Variants in NOS1 observed in about 807,000 individuals in gnomAD.
NOS1 encodes NOS type I.
Under a neutral mutation model 164.5 loss-of-function variants are expected in NOS1, and 51 were observed. That is an observed-to-expected ratio of 0.31 (90% CI 0.25 to 0.39). The LOEUF (loss-of-function observed/expected upper bound fraction) is 0.39. Ranked by LOEUF, NOS1 falls within the 10% of genes least tolerant of loss-of-function variation. The pLI is 1.00. For missense variants in NOS1, 1,362 were observed against 1,885.6 expected (o/e 0.72, Z 5.14); for synonymous variants, 719 against 745.8 (o/e 0.96, Z 0.59).
chr12:117,217,013 G>A (rs150556723), intron 28 of NOS1, among the ~76,000 whole-genome samples: 1 of 152,262 alleles, frequency 6.6e-6, no homozygotes, highest in Non-Finnish European at 1.5e-5. Flanking sequence ...CTGTGGCAGG[G>A]ACTGGGGCGG....
In NOS1 at chr12:117,210,838, C is replaced by G. The variant is rs1169020694; in HGVS notation, c.*4471G>C. 4 of 985,306 alleles carry G rather than the reference C, an allele frequency of 4.1e-6. No individual in the cohort carries two copies. The highest frequency in any genetic ancestry group is 3.5e-5 in the African/African-American group (2 of 57,228). The allele number at this position is 985,306 out of a possible 1,614,324, so 61.0% of individuals were successfully genotyped here. A position where few individuals can be genotyped will look rare whatever the true frequency, so the allele number is the denominator to read the frequency against. On this transcript the variant is annotated 3_prime_UTR_variant, in exon 29 of 29. Transcript: ENST00000317775. ...CATGGCTGGACTTGGGAAGGATTCACCCTGTTGACTCCAGAGAAGCTGACT... is the reference window on the plus strand; with the variant it reads ...CATGGCTGGACTTGGGAAGGATTCAGCCTGTTGACTCCAGAGAAGCTGACT...
At position 117,330,300 on chromosome 12, in the gene NOS1, GCACACACACACA is replaced by G. The variant is rs111326073; in HGVS notation, c.725+33_725+44del. On this transcript the variant is annotated intron_variant, in intron 2 of 28. Transcript: ENST00000317775. This position sits in a 1 kb window ranked among gnomAD's most constrained non-coding sequence, Gnocchi z 4.6. ...GACGCACATGCACACACACAAGCATGCACACACACACACACACACACACACACACCCCTGTGG... is the reference window on the plus strand; with the variant it reads ...GACGCACATGCACACACACAAGCATGCACACACACACACACACCCCTGTGG... The G allele has an allele frequency of 2.0e-6, 3 of 1,492,180 alleles. No homozygotes were observed. Among genetic ancestry groups the G allele is most frequent in the Non-Finnish European group, 2.7e-6 (3 of 1,111,966 alleles). 92.4% of individuals were successfully genotyped at this position (1,492,180 alleles called of 1,614,324 possible).
chr12:117,229,586 A>ATCTATCTG (rs1430168198), intron 22 of NOS1, among the ~76,000 whole-genome samples: 1 of 151,690 alleles, frequency 6.6e-6, no homozygotes, highest in African/African-American at 2.4e-5. Context: ...CTATCTATCT[A>ATCTATCTG]TCTATCTATC....
chr12:117,267,565 C>A (rs139603231), intron 11 of NOS1, among the ~76,000 whole-genome samples: 1 of 145,038 alleles, frequency 6.9e-6, no homozygotes, highest in Non-Finnish European at 1.5e-5. Context: ...CTAGTCTGGG[C>A]GACAAGAGTG....
chr12:117,224,872 CA>C (rs1868513545), intron 25 of NOS1, 143 bp downstream of exon 25: 1 of 1,027,744 alleles, frequency 9.7e-7, no homozygotes, highest in South Asian at 1.4e-5. Context: ...ACCTGTAGGT[CA>C]GGCTGGTGCT....
At chr12:117,274,523 C>T (rs1592976766) in intron 9 of NOS1, among the ~76,000 whole-genome samples, 3 of 152,070 alleles carry the variant, frequency 2.0e-5, no homozygotes, top group African/African-American at 4.8e-5. Flanking sequence ...AATCCTAGCA[C>T]TTTAGGAGGC....
intron 3 of NOS1, among the ~76,000 whole-genome samples, chr12:117,297,106 A>G (rs1350352997): frequency 2.6e-5 from 4 of 152,242 alleles, no homozygotes; most frequent in Admixed American, 6.5e-5. Flanking sequence ...TAAGCCAAGG[A>G]TGTTGGCCTT....
rs372921010 is a variant in NOS1 at position 117,330,611 on chromosome 12, C to T, written c.459G>A (p.Ser153=). 2.9e-5 allele frequency: 47 copies of T among 1,611,426 alleles called. No homozygotes were observed. In the African/African-American group the frequency reaches 4.3e-4, roughly 15 times the overall value. Residue 153 remains serine (S), a synonymous_variant, in exon 2 of 29, where the codon TCG becomes TCA. Transcript: ENST00000317775. This position sits in a 1 kb window ranked among gnomAD's most constrained non-coding sequence, Gnocchi z 4.6. The part of the protein sequence containing the change: ...KEQPLAVDGA[S]GPGNGPQHAY... ...CATGCTGAGGCCCATTCCCGGGACC[C>T]GAGGCCCCATCCACTGCCAGGGGCT...
intron 1 of NOS1, chr12:117,348,222 G>A (rs1419497983): frequency 6.6e-6 from 1 of 151,798 alleles, no homozygotes; most frequent in East Asian, 1.9e-4. Context: ...AGAAGAGAAC[G>A]GTGTCACCTT....
At chr12:117,257,214 G>T (rs1389910331) in intron 16 of NOS1, among the ~76,000 whole-genome samples, 1 of 151,858 alleles carries the variant, frequency 6.6e-6, no homozygotes, top group East Asian at 1.9e-4. Context: ...CTCTGGAGTA[G>T]CTGGGACTTC....
chr12:117,308,577 C>T (rs1000778474), intron 3 of NOS1, among the ~76,000 whole-genome samples: 1 of 151,302 alleles, frequency 6.6e-6, no homozygotes, highest in Non-Finnish European at 1.5e-5. Flanking sequence ...AGCGTATAGG[C>T]GCAATGTGGT....
chr12:117,250,150 T>C (rs564386869), intron 17 of NOS1, among the ~76,000 whole-genome samples: 1 of 152,108 alleles, frequency 6.6e-6, no homozygotes, highest in South Asian at 2.1e-4. Flanking sequence ...AGTATGAACT[T>C]GGGGTGGGTC....
rs765724331 is a variant in NOS1 at position 117,280,710 on chromosome 12, C to T, written c.1524+15G>A. 2.4e-5 allele frequency: 38 copies of T among 1,609,450 alleles called. No individual in the cohort carries two copies. The highest frequency in any genetic ancestry group is 9.9e-5 in the South Asian group (9 of 90,626). The stretch of plus-strand genomic sequence containing the variant: ...GCCCATGTTGGGGCAGGGTAGGGGG[C>T]GGAAACGCTCGCACCTCTGTGAACT... On this transcript the variant is annotated intron_variant, in intron 8 of 28. Coordinates refer to ENST00000317775, the MANE Select transcript of NOS1 (RefSeq NM_000620.5).
At chr12:117,281,634 G>A (rs1873676831) in intron 7 of NOS1, among the ~76,000 whole-genome samples, 1 of 151,308 alleles carries the variant, frequency 6.6e-6, no homozygotes, top group Admixed American at 6.6e-5. Flanking sequence ...AAGAGATGGA[G>A]ACCATCCTGG....
rs1956509807 is a variant in NOS1 at position 117,210,447 on chromosome 12, T to C, written c.*4862A>G. On this transcript the variant is annotated 3_prime_UTR_variant, in exon 29 of 29. Coordinates refer to ENST00000317775, the MANE Select transcript of NOS1 (RefSeq NM_000620.5). ...ATACAGACAGAAGGCTTTGAGGACATGGTGGCCACAGCGGCATGCTGGGTA... is the reference window on the plus strand; with the variant it reads ...ATACAGACAGAAGGCTTTGAGGACACGGTGGCCACAGCGGCATGCTGGGTA... 3.0e-6 allele frequency: 3 copies of C among 985,386 alleles called. No homozygotes were observed. The African/African-American group carries it at 5.2e-5, about 17-fold the overall frequency. 61.0% of individuals were successfully genotyped at this position (985,386 alleles called of 1,614,324 possible). A position where few individuals can be genotyped will look rare whatever the true frequency, so the allele number is the denominator to read the frequency against.
intron 27 of NOS1, among the ~76,000 whole-genome samples, chr12:117,218,755 C>T (rs1009834892): frequency 3.3e-5 from 5 of 152,224 alleles, no homozygotes; most frequent in African/African-American, 7.2e-5. Context: ...ACAGCCCAAA[C>T]GACGACTGAC....
rs768029250 is a variant in NOS1 at position 117,218,157 on chromosome 12, T to C, written c.4178A>G (p.Asn1393Ser). The stretch of plus-strand genomic sequence containing the variant: ...TCCAAAAATATCCTCATGGTATCGG[T>C]TGTCATCCTAGAAGACAGAAACAGC... ...GVFISRMRDD[N>S]RYHEDIFGVT... is the part of the protein sequence containing the mutation. The change falls in exon 28 of 29, where the codon AAC becomes AGC. Residue 1393 changes from asparagine to serine, a missense_variant. By Grantham distance (46) the Asn-to-Ser change is conservative. Coordinates refer to ENST00000317775, the MANE Select transcript of NOS1 (RefSeq NM_000620.5). 1.1e-5 allele frequency: 17 copies of C among 1,613,290 alleles called. No homozygotes were observed. In the South Asian group the frequency reaches 1.6e-4, roughly 16 times the overall value.
At chr12:117,284,383 A>G (rs1466756890) in intron 7 of NOS1, among the ~76,000 whole-genome samples, 1 of 152,140 alleles carries the variant, frequency 6.6e-6, no homozygotes, top group Admixed American at 6.5e-5. Context: ...CACCAGCCAC[A>G]TGGATGTCTG....
chr12:117,244,628 A>C (rs1317223238), intron 18 of NOS1, among the ~76,000 whole-genome samples: 1 of 152,232 alleles, frequency 6.6e-6, no homozygotes, highest in Non-Finnish European at 1.5e-5. Flanking sequence ...GTTTGACCTC[A>C]TGTTGACTTC....
Sources: gnomAD v4.1 joint callset for allele counts (sites outside exome capture counted in the v4.1 genomes callset) on GRCh38, gnomAD v4.1.1 for gene constraint, Gnocchi (gnomAD v3.1) non-coding constraint, MANE v1.5 for transcripts, NCBI Gene and HGNC (gene_info 2026-07-23, HGNC 2026-07-21) for gene names.